Variants in PEPD observed in about 807,000 individuals in gnomAD.
The protein encoded by PEPD is peptidase D, also known as xaa-Pro dipeptidase.
Under a neutral mutation model 60.7 loss-of-function variants are expected in PEPD, and 53 were observed. That is an observed-to-expected ratio of 0.87 (90% CI 0.70 to 1.10). PEPD has a LOEUF of 1.10. PEPD is among the 50% of genes least tolerant of loss of function. PEPD has a pLI of 0.00. For missense variants in PEPD, 711 were observed against 711.9 expected (o/e 1.00, Z 0.01); for synonymous variants, 267 against 284.1 (o/e 0.94, Z 0.60).
At chr19:33,517,630 G>C (rs1180520097) in intron 1 of PEPD, among the ~76,000 whole-genome samples, 1 of 151,930 alleles carries the variant, frequency 6.6e-6, no homozygotes, top group African/African-American at 2.4e-5. Flanking sequence ...ACTGATGCCC[G>C]TGGGGTCTAC....
intron 12 of PEPD, among the ~76,000 whole-genome samples, chr19:33,401,409 C>T (rs1301721879): frequency 6.6e-6 from 1 of 152,232 alleles, no homozygotes; most frequent in Non-Finnish European, 1.5e-5. Context: ...GTAGACACCG[C>T]TTAAGGACAA....
chr19:33,409,058 T>C (rs1886600624), intron 11 of PEPD, among the ~76,000 whole-genome samples: 1 of 152,266 alleles, frequency 6.6e-6, no homozygotes, highest in African/African-American at 2.4e-5. Context: ...CTCCTGCCTC[T>C]ACAGCTGCAG....
intron 11 of PEPD, among the ~76,000 whole-genome samples, chr19:33,409,011 T>C (rs1402281877): frequency 6.6e-6 from 1 of 152,234 alleles, no homozygotes; most frequent in African/African-American, 2.4e-5. Context: ...AAAAATCAAA[T>C]CACCAATTTG....
chr19:33,510,983 G>A, intron 3 of PEPD, 45 bp downstream of exon 3: 1 of 1,435,334 alleles, frequency 7.0e-7, no homozygotes, highest in Non-Finnish European at 9.4e-7. Flanking sequence ...CCCACCCCCA[G>A]CCCATGGTTG....
At position 33,458,062 on chromosome 19, in the gene PEPD, C is replaced by T. The variant is rs144012467; in HGVS notation, c.671+4933G>A. ...TGTATGTGAGGCATGTGGTGGGTGG[C>T]GTGTGTATGGTGTGTAGTGTGTGTA... On this transcript the variant is annotated intron_variant, in intron 9 of 14. Transcript: ENST00000244137. 6.9e-3 allele frequency among the ~76,000 whole-genome samples: 1,049 copies of T among 151,578 alleles called. 6 individuals carry two copies. Among genetic ancestry groups the T allele is most frequent in the South Asian group, 0.011 (52 of 4,776 alleles).
chr19:33,473,271 G>C (rs1450074497), intron 7 of PEPD, among the ~76,000 whole-genome samples: 1 of 152,124 alleles, frequency 6.6e-6, no homozygotes, highest in East Asian at 1.9e-4. Context: ...ACAAAGATGA[G>C]CAATGCTACT....
chr19:33,407,608 G>T (rs1226886564), intron 11 of PEPD, among the ~76,000 whole-genome samples: 3 of 152,206 alleles, frequency 2.0e-5, no homozygotes, highest in Non-Finnish European at 4.4e-5. Context: ...GTGTTAATTA[G>T]CAAGTGTGCT....
At chr19:33,439,168 TGAG>T (rs781267533) in intron 9 of PEPD, among the ~76,000 whole-genome samples, 1 of 152,200 alleles carries the variant, frequency 6.6e-6, no homozygotes, top group Admixed American at 6.5e-5. Context: ...GTGCTTCCCC[TGAG>T]GAGGGAAAAG....
intron 7 of PEPD, among the ~76,000 whole-genome samples, chr19:33,473,812 G>A (rs895543535): frequency 2.6e-5 from 4 of 152,146 alleles, no homozygotes; most frequent in African/African-American, 9.7e-5. Flanking sequence ...CCCAGCACAA[G>A]AAAAGAAATT....
intron 11 of PEPD, 61 bp downstream of exon 11, chr19:33,411,611 G>C: frequency 1.1e-6 from 1 of 929,238 alleles, no homozygotes; most frequent in Non-Finnish European, 1.8e-6. Context: ...CCATCTTGAA[G>C]TTGAGTCCAA....
chr19:33,503,142 CCTCT>C (rs1970741804), intron 3 of PEPD, among the ~76,000 whole-genome samples: 1 of 152,130 alleles, frequency 6.6e-6, no homozygotes, highest in African/African-American at 2.4e-5. Context: ...AGAATCTGCT[CCTCT>C]CTCTGAGTCC....
chr19:33,440,250 T>C (rs758845480), intron 9 of PEPD, among the ~76,000 whole-genome samples: 1 of 152,118 alleles, frequency 6.6e-6, no homozygotes, highest in Non-Finnish European at 1.5e-5. Flanking sequence ...TCCATCCTTC[T>C]GGCTGCTCAA....
At position 33,454,341 on chromosome 19, in the gene PEPD, C is replaced by T. The variant is rs367711397; in HGVS notation, c.671+8654G>A. On this transcript the variant is annotated intron_variant, in intron 9 of 14. Coordinates refer to ENST00000244137, the MANE Select transcript of PEPD (RefSeq NM_000285.4). ...AAGAGGCCAGGCGCAGTGGCTCACA[C>T]CTGTAATCCCAGCACTTTGGGAGGC... 7.2e-5 allele frequency among the ~76,000 whole-genome samples: 11 copies of T among 152,312 alleles called. No individual in the cohort carries two copies. The East Asian group carries it at 1.7e-3, about 24-fold the overall frequency.
In PEPD at chr19:33,399,277, C is replaced by T. The variant is rs1054090870; in HGVS notation, c.967+2444G>A. ...GATTATAAGTGTGAGCCACAGAGCCCGGCCTGCTGCTTTTTAAGCAAAGCA... is the reference window on the plus strand; with the variant it reads ...GATTATAAGTGTGAGCCACAGAGCCTGGCCTGCTGCTTTTTAAGCAAAGCA... On this transcript the variant is annotated intron_variant, in intron 12 of 14. Transcript: ENST00000244137. 4.6e-5 allele frequency among the ~76,000 whole-genome samples: 7 copies of T among 152,302 alleles called. No individual in the cohort carries two copies. In the South Asian group the frequency reaches 6.2e-4, roughly 14 times the overall value.
chr19:33,433,653 A>T (rs932782981), intron 9 of PEPD, among the ~76,000 whole-genome samples: 1 of 152,254 alleles, frequency 6.6e-6, no homozygotes, highest in Non-Finnish European at 1.5e-5. Context: ...CTCGATATTC[A>T]GGTCCTGGCC....
At chr19:33,400,738 C>T (rs954310352) in intron 12 of PEPD, among the ~76,000 whole-genome samples, 13 of 152,220 alleles carry the variant, frequency 8.5e-5, no homozygotes, top group Admixed American at 1.3e-4. Context: ...GAGAAGACCA[C>T]ATCCCTCAAT....
intron 9 of PEPD, among the ~76,000 whole-genome samples, chr19:33,459,920 A>T (rs1191196432): frequency 6.6e-6 from 1 of 152,142 alleles, no homozygotes; most frequent in Non-Finnish European, 1.5e-5. Context: ...AAAGTCCAGC[A>T]GGTCTTAAGG....
intron 6 of PEPD, among the ~76,000 whole-genome samples, chr19:33,485,351 C>T (rs1033819215): frequency 6.6e-6 from 1 of 151,912 alleles, no homozygotes; most frequent in African/African-American, 2.4e-5. Flanking sequence ...AAATTAGCCA[C>T]GTGTGGTGGT....
intron 13 of PEPD, among the ~76,000 whole-genome samples, chr19:33,389,995 G>A (rs1968175951): frequency 6.6e-6 from 1 of 152,260 alleles, no homozygotes; most frequent in Non-Finnish European, 1.5e-5. Flanking sequence ...GGTGGGGAGG[G>A]GTCCTGCCCT....
Sources: allele counts gnomAD v4.1 joint callset (sites outside exome capture counted in the v4.1 genomes callset), GRCh38; gene constraint gnomAD v4.1.1; transcripts MANE v1.5; gene names NCBI Gene and HGNC (gene_info 2026-07-23, HGNC 2026-07-21).